MNT: variants seen among roughly 807,000 people sequenced by gnomAD.
MNT encodes max-binding protein MNT.
In MNT, 13 loss-of-function variants were observed where a neutral mutation model predicts 40.7. That is an observed-to-expected ratio of 0.32 (90% CI 0.21 to 0.51). The LOEUF is 0.51. MNT is among the 20% of genes least tolerant of loss of function. The pLI, the probability that MNT is intolerant of heterozygous loss-of-function variation, is 0.98. For missense variants in MNT, 757 were observed against 792.0 expected (o/e 0.96, Z 0.53); for synonymous variants, 426 against 354.8 (o/e 1.20, Z -2.26).
chr17:2,393,252 C>G (rs1210547797), intron 4 of MNT, among the ~76,000 whole-genome samples: 1 of 151,862 alleles, frequency 6.6e-6, no homozygotes, highest in South Asian at 2.1e-4. Flanking sequence ...GCGGAAGCCC[C>G]GCCGGTTTCC....
At chr17:2,399,501 C>G (rs2066599832) in intron 1 of MNT, among the ~76,000 whole-genome samples, 1 of 152,204 alleles carries the variant, frequency 6.6e-6, no homozygotes, top group African/African-American at 2.4e-5. Context: ...TTTCCCTTGC[C>G]TCGGGATCAA....
At position 2,395,065 on chromosome 17, in the gene MNT, C is replaced by G; in HGVS notation, c.463G>C (p.Ala155Pro). The change falls in exon 2 of 6, where the codon GCC (alanine) becomes CCC (proline). Residue 155 changes from alanine (A) to proline (P), a missense_variant. Transcript: ENST00000174618. ...TPAPLLPDSK[A>P]TIPPNGSPKP... The stretch of plus-strand genomic sequence containing the variant: ...GGGCTGCCATTGGGTGGAATGGTGG[C>G]CTTCGAGTCCGGCAGTAGGGGAGCA... 1 of 1,548,078 alleles carries G rather than the reference C, an allele frequency of 6.5e-7. No individual in the cohort carries two copies. The highest frequency in any genetic ancestry group is 8.7e-7 in the Non-Finnish European group (1 of 1,148,068).
intron 4 of MNT, among the ~76,000 whole-genome samples, chr17:2,388,790 C>T (rs967448865): frequency 9.9e-5 from 15 of 152,164 alleles, no homozygotes; most frequent in African/African-American, 3.4e-4. Context: ...TTCCCGTGCT[C>T]CAACCCGACA....
chr17:2,398,817 C>T (rs1017883197), intron 1 of MNT, among the ~76,000 whole-genome samples: 1 of 152,202 alleles, frequency 6.6e-6, no homozygotes, highest in African/African-American at 2.4e-5. Flanking sequence ...CTCTCCACTG[C>T]CAGACCCTGC....
rs751691177 is a variant in MNT, at chr17:2,394,263, G to GCGCACGCA, written c.695+34_695+41dup. 4.6e-4 allele frequency: 691 copies of GCGCACGCA among 1,515,264 alleles called. 1 individual carries two copies. In the African/African-American group the frequency reaches 9.7e-3, roughly 21 times the overall value. 93.9% of individuals were successfully genotyped at this position (1,515,264 alleles called of 1,614,324 possible). ...AGGGCCGCCGGGGCCCGGGTCGCGC[G>GCGCACGCA]CGCACGCACGCACGCACACACACAC... On this transcript the variant is annotated intron_variant, in intron 3 of 5. Coordinates refer to ENST00000174618, the MANE Select transcript of MNT (RefSeq NM_020310.3).
At chr17:2,395,804 G>T (rs895678413) in intron 1 of MNT, among the ~76,000 whole-genome samples, 2 of 151,960 alleles carry the variant, frequency 1.3e-5, no homozygotes, top group African/African-American at 4.8e-5. Context: ...GCAGGGTGAG[G>T]AGGAAGGCGG....
In MNT at chr17:2,387,166, G is replaced by A; in HGVS notation, c.1484C>T (p.Pro495Leu). The change falls in exon 6 of 6, where the codon CCT becomes CTT. Residue 495 changes from proline to leucine, a missense_variant. Pro to Leu is a moderately conservative substitution (Grantham distance 98). Around this residue, in one of 4 missense-constraint regions of MNT, gnomAD observed 345 missense variants for 380.1 expected, o/e 0.91. Transcript: ENST00000174618. ...TPPIGHITVH[P>L]ATLNHVAHLG... The stretch of plus-strand genomic sequence containing the variant: ...GTGGGCCACATGGTTGAGGGTGGCA[G>A]GGTGCACAGTGATGTGCCCAATGGG... 6.2e-7 allele frequency: 1 copy of A among 1,604,540 alleles called. No homozygotes were observed. Among genetic ancestry groups the A allele is most frequent in the Non-Finnish European group, 8.5e-7 (1 of 1,176,440 alleles).
chr17:2,391,030 C>G (rs965438115), intron 4 of MNT: 2 of 152,394 alleles, frequency 1.3e-5, no homozygotes, highest in Admixed American at 6.5e-5. Context: ...GCTCTGTCAC[C>G]CAGGCTGGAG....
intron 4 of MNT, among the ~76,000 whole-genome samples, chr17:2,388,910 C>A (rs1483830242): frequency 6.6e-6 from 1 of 152,208 alleles, no homozygotes; most frequent in African/African-American, 2.4e-5. Context: ...CGTGTCCTTG[C>A]TGCCTCCCGA....
Position 2,386,113 on chromosome 17 carries a change from G to A in MNT, c.*788C>T, listed in dbSNP as rs1444156143. 6.6e-6 allele frequency: 1 copy of A among 152,320 alleles called. No homozygotes were observed. The highest frequency in any genetic ancestry group is 1.5e-5 in the Non-Finnish European group (1 of 68,124). The allele number at this position is 152,320 out of a possible 1,614,324, so 9.4% of individuals were successfully genotyped here. Reference sequence around the variant, plus strand: ...ATCCAGACCCAGGCTGCAGGGGACGGGGAAGGGGAAGGACAGCCAAGTCCC... The same window carrying A: ...ATCCAGACCCAGGCTGCAGGGGACGAGGAAGGGGAAGGACAGCCAAGTCCC... On this transcript the variant is annotated 3_prime_UTR_variant, in exon 6 of 6. Transcript: ENST00000174618.
In MNT at chr17:2,394,964, G is replaced by T. The variant is rs760396924; in HGVS notation, c.564C>A (p.Pro188=). 1.9e-6 allele frequency: 3 copies of T among 1,607,538 alleles called. No homozygotes were observed. Among genetic ancestry groups the T allele is most frequent in the East Asian group, 4.5e-5 (2 of 44,648 alleles). ...CCAGCGTGGGTGGGGGCGGCTGCTG[G>T]GGGGCCAGCTGAGGCTGGACTCCAG... is the stretch of plus-strand genomic sequence containing the variant. ...PHPGVQPQLA[P]QQPPPPTLGT... is the part of the protein sequence containing the mutation. Residue 188 remains proline (P), a synonymous_variant, in exon 2 of 6, where the codon CCC becomes CCA. Transcript: ENST00000174618.
chr17:2,391,976 G>A (rs1372988478), intron 4 of MNT: 1 of 152,228 alleles, frequency 6.6e-6, no homozygotes, highest in African/African-American at 2.4e-5. Context: ...CCCTCCTGCT[G>A]GAGAAACTGG....
At chr17:2,397,195 T>A (rs571858644) in intron 1 of MNT, among the ~76,000 whole-genome samples, 53 of 152,214 alleles carry the variant, frequency 3.5e-4, no homozygotes, top group Admixed American at 3.4e-3. Context: ...GCAGGCCTGC[T>A]CCAGTGCGGG....
chr17:2,396,681 A>C (rs2151671814), intron 1 of MNT: 1 of 152,490 alleles, frequency 6.6e-6, no homozygotes, highest in Admixed American at 6.5e-5. Context: ...GTCCTCTCCC[A>C]GGCGCCACCA....
At chr17:2,390,091 A>G (rs1395036699) in intron 4 of MNT, 1 of 152,146 alleles carries the variant, frequency 6.6e-6, no homozygotes, top group African/African-American at 2.4e-5. Context: ...GCCTCAACAC[A>G]CACTGTCCCT....
At chr17:2,393,294 C>T (rs2066539921) in intron 4 of MNT, among the ~76,000 whole-genome samples, 1 of 151,956 alleles carries the variant, frequency 6.6e-6, no homozygotes, top group African/African-American at 2.4e-5. Flanking sequence ...GCCATGGCAA[C>T]CGCCTGACGT....
intron 4 of MNT, 42 bp from the exon 5 acceptor site, chr17:2,388,091 A>G: frequency 6.6e-7 from 1 of 1,508,734 alleles, no homozygotes; most frequent in Non-Finnish European, 8.9e-7. Flanking sequence ...CCTGAGCAGC[A>G]GCCTTGGGGC....
At chr17:2,400,223 C>G (rs1445598566) in intron 1 of MNT, 1 of 189,814 alleles carries the variant, frequency 5.3e-6, no homozygotes, top group African/African-American at 2.4e-5. Context: ...TTCATCTGCT[C>G]TTCCCGAGGC....
chr17:2,387,006 C>T lies in MNT; in HGVS notation c.1644G>A (p.Gly548=). The part of the protein sequence containing the change: ...PATVMAKPAV[G]AQVVHHPQLV... ...GCTGGGGGTGGTGCACCACCTGAGCCCCCACGGCCGGCTTTGCCATGACAG... is the reference window on the plus strand; with the variant it reads ...GCTGGGGGTGGTGCACCACCTGAGCTCCCACGGCCGGCTTTGCCATGACAG... Residue 548 remains glycine, a synonymous_variant, in exon 6 of 6, where the codon GGG becomes GGA. Transcript: ENST00000174618. 2 of 1,534,384 alleles carry T rather than the reference C, an allele frequency of 1.3e-6. No individual in the cohort carries two copies. Among genetic ancestry groups the T allele is most frequent in the Non-Finnish European group, 8.8e-7 (1 of 1,138,010 alleles).
Sources: gnomAD v4.1 joint callset for allele counts (sites outside exome capture counted in the v4.1 genomes callset) on GRCh38, gnomAD v4.1.1 for gene constraint, gnomAD v4.1.1 regional missense constraint, MANE v1.5 for transcripts, NCBI Gene and HGNC (gene_info 2026-07-23, HGNC 2026-07-21) for gene names.